Variants in NDST4 observed in about 807,000 individuals in gnomAD.
NDST4 encodes N-heparan sulfate sulfotransferase 4.
NDST4 carries 63 observed loss-of-function variants against 100.8 expected under a neutral mutation model. That is an observed-to-expected ratio of 0.62 (90% CI 0.51 to 0.77). NDST4 has a LOEUF of 0.77. NDST4 is among the 30% of genes least tolerant of loss of function. The pLI, the probability that NDST4 is intolerant of heterozygous loss-of-function variation, is 0.00. For missense variants in NDST4, 943 were observed against 1,018.4 expected (o/e 0.93, Z 1.01); for synonymous variants, 377 against 361.8 (o/e 1.04, Z -0.48).
At chr4:115,085,623 A>G (rs1729394499) in intron 1 of NDST4, among the ~76,000 whole-genome samples, 1 of 151,972 alleles carries the variant, frequency 6.6e-6, no homozygotes, top group South Asian at 2.1e-4. Context: ...TTATAAGGTG[A>G]TTTTCCCCCT....
intron 2 of NDST4, among the ~76,000 whole-genome samples, chr4:115,013,960 G>A (rs1727617902): frequency 6.6e-6 from 1 of 151,942 alleles, no homozygotes; most frequent in South Asian, 2.1e-4. Flanking sequence ...TAGACTATTT[G>A]GCCTGTGCAA....
chr4:114,924,550 G>A (rs1436748597), intron 6 of NDST4, among the ~76,000 whole-genome samples: 1 of 151,870 alleles, frequency 6.6e-6, no homozygotes, highest in East Asian at 1.9e-4. Context: ...TCTCACAGTT[G>A]GTGGCTGTTC....
intron 6 of NDST4, among the ~76,000 whole-genome samples, chr4:114,894,949 A>C (rs954617795): frequency 6.6e-6 from 1 of 152,110 alleles, no homozygotes; most frequent in Non-Finnish European, 1.5e-5. Context: ...TTTTAACATG[A>C]AGGGGTGTTG....
intron 4 of NDST4, among the ~76,000 whole-genome samples, chr4:114,943,850 T>G (rs915611490): frequency 6.6e-6 from 1 of 152,164 alleles, no homozygotes; most frequent in Non-Finnish European, 1.5e-5. Context: ...GGGGAATAGA[T>G]GAGTTAAGAA....
intron 4 of NDST4, among the ~76,000 whole-genome samples, chr4:114,947,198 T>C (rs1001026605): frequency 5.3e-5 from 8 of 152,160 alleles, no homozygotes; most frequent in Non-Finnish European, 1.0e-4. Flanking sequence ...CAAATTTAGT[T>C]TCAGTAGTAT....
intron 6 of NDST4, among the ~76,000 whole-genome samples, chr4:114,903,243 C>A (rs1309295727): frequency 6.6e-6 from 1 of 152,064 alleles, no homozygotes; most frequent in Non-Finnish European, 1.5e-5. Flanking sequence ...TAAATATTTT[C>A]TCTCGAGGAC....
chr4:114,986,819 TATATATA>T (rs1726918593), intron 2 of NDST4, among the ~76,000 whole-genome samples: 1 of 125,580 alleles, frequency 8.0e-6, no homozygotes, highest in African/African-American at 3.2e-5. Flanking sequence ...TATATATATA[TATATATA>T]TATATATTTT....
At chr4:114,854,627 C>A (rs757422630) in intron 7 of NDST4, among the ~76,000 whole-genome samples, 1 of 152,136 alleles carries the variant, frequency 6.6e-6, no homozygotes. Flanking sequence ...TGCCACCACA[C>A]CCGGCTAATT....
chr4:114,959,594 A>T (rs2126235579), intron 4 of NDST4, among the ~76,000 whole-genome samples: 1 of 152,204 alleles, frequency 6.6e-6, no homozygotes, highest in African/African-American at 2.4e-5. Flanking sequence ...CTCCCAAAAC[A>T]CGTGGGGATT....
chr4:114,877,730 C>T (rs1184790836), intron 6 of NDST4, among the ~76,000 whole-genome samples: 1 of 152,002 alleles, frequency 6.6e-6, no homozygotes, highest in East Asian at 1.9e-4. Context: ...GGCAGATCAC[C>T]CGAAGTAAGG....
intron 4 of NDST4, among the ~76,000 whole-genome samples, chr4:114,968,050 G>C (rs1412514162): frequency 4.6e-5 from 7 of 152,148 alleles, no homozygotes; most frequent in Admixed American, 4.6e-4. Flanking sequence ...GATTCAAACA[G>C]ATAATCTGGT....
At chr4:115,103,876 A>G (rs1293140497) in intron 1 of NDST4, among the ~76,000 whole-genome samples, 1 of 152,154 alleles carries the variant, frequency 6.6e-6, no homozygotes, top group Non-Finnish European at 1.5e-5. Context: ...TCAAGAGAAG[A>G]GATCTGGAGT....
intron 2 of NDST4, among the ~76,000 whole-genome samples, chr4:115,070,988 C>T (rs550670339): frequency 6.6e-6 from 1 of 151,904 alleles, no homozygotes; most frequent in South Asian, 2.1e-4. Flanking sequence ...ACCTGTAGTC[C>T]CAGCTACTCG....
At chr4:115,088,166 T>C (rs1414238853) in intron 1 of NDST4, among the ~76,000 whole-genome samples, 2 of 151,786 alleles carry the variant, frequency 1.3e-5, no homozygotes, top group Non-Finnish European at 2.9e-5. Flanking sequence ...TCTTCTACTT[T>C]ACAAAAAAAA....
chr4:114,950,099 G>T (rs901695922), intron 4 of NDST4, among the ~76,000 whole-genome samples: 3 of 151,908 alleles, frequency 2.0e-5, no homozygotes, highest in Non-Finnish European at 4.4e-5. Flanking sequence ...TCTAAGCAAA[G>T]GTCATTTATA....
chr4:114,954,344 G>A (rs1195503013), intron 4 of NDST4, among the ~76,000 whole-genome samples: 1 of 151,974 alleles, frequency 6.6e-6, no homozygotes, highest in Non-Finnish European at 1.5e-5. Context: ...AGCATTGAAG[G>A]AGAAATTATT....
chr4:114,853,771 C>T (rs1162821536), intron 7 of NDST4, among the ~76,000 whole-genome samples: 2 of 152,054 alleles, frequency 1.3e-5, no homozygotes, highest in Non-Finnish European at 2.9e-5. Flanking sequence ...ATTTATGGTT[C>T]ATATTTCTGT....
chr4:114,848,543 C>T (rs1723604583), intron 8 of NDST4, among the ~76,000 whole-genome samples: 4 of 152,276 alleles, frequency 2.6e-5, no homozygotes, highest in African/African-American at 9.6e-5. Context: ...GATCAGAATG[C>T]CTGATTTAAT....
At chr4:115,067,986 A>G (rs916828771) in intron 2 of NDST4, among the ~76,000 whole-genome samples, 2 of 132,872 alleles carry the variant, frequency 1.5e-5, no homozygotes, top group African/African-American at 6.5e-5. Flanking sequence ...GAGTGAGAAC[A>G]CACGGTGTTT....
Sources: gnomAD v4.1 joint callset for allele counts (sites outside exome capture counted in the v4.1 genomes callset) on GRCh38, gnomAD v4.1.1 for gene constraint, MANE v1.5 for transcripts, NCBI Gene and HGNC (gene_info 2026-07-23, HGNC 2026-07-21) for gene names.